MPP7: variants seen among roughly 807,000 people sequenced by gnomAD.
MPP7 encodes MAGUK p55 scaffold protein 7, also known as MAGUK p55 subfamily member 7.
In MPP7, 60 loss-of-function variants were observed where a neutral mutation model predicts 76.5. The observed-to-expected ratio is 0.78, with a 90% confidence interval of 0.64 to 0.97. The LOEUF is 0.97. Ranked by LOEUF, MPP7 falls within the 50% of genes least tolerant of loss-of-function variation. MPP7 has a pLI of 0.00. For missense variants in MPP7, 641 were observed against 694.0 expected (o/e 0.92, Z 0.86); for synonymous variants, 237 against 244.5 (o/e 0.97, Z 0.29).
rs78354949 is a variant in MPP7 at position 28,248,869 on chromosome 10, C to G, written c.-131-10134G>C. On this transcript the variant is annotated intron_variant, in intron 1 of 16. Transcript: ENST00000683449. ...AGTGGGCTCTGCCATTTGGGTTTGC[C>G]TAAGTGCACTCTAGGATGCTCCCAC... is the stretch of plus-strand genomic sequence containing the variant. 4.7e-3 allele frequency among the ~76,000 whole-genome samples: 722 copies of G among 152,230 alleles called. 7 individuals are homozygous for G. Among genetic ancestry groups the G allele is most frequent in the African/African-American group, 0.016 (656 of 41,556 alleles).
At chr10:28,143,557 G>C (rs1463209029) in intron 5 of MPP7, among the ~76,000 whole-genome samples, 1 of 151,998 alleles carries the variant, frequency 6.6e-6, no homozygotes, top group South Asian at 2.1e-4. Flanking sequence ...GTGCATGTTT[G>C]TGTCTGTATG....
At chr10:28,272,020 T>C (rs188503533) in intron 1 of MPP7, among the ~76,000 whole-genome samples, 2 of 152,098 alleles carry the variant, frequency 1.3e-5, no homozygotes, top group East Asian at 3.9e-4. Context: ...CAAGGATGCA[T>C]GTTTGAATAA....
chr10:28,054,476 C>T lies in MPP7; in HGVS notation c.1552-232G>A, dbSNP rs114939533. ...AAAACTACTCTGGCAAGAGTCAAAA[C>T]TCCTGCCTTAACTGAATTGCAGGAT... is the stretch of plus-strand genomic sequence containing the variant. On this transcript the variant is annotated intron_variant, in intron 16 of 16. Transcript: ENST00000683449. Among the ~76,000 whole-genome samples, 1,060 of 152,294 alleles carry T rather than the reference C, an allele frequency of 7.0e-3. 5 individuals carry two copies. Among genetic ancestry groups the T allele is most frequent in the African/African-American group, 0.024 (1,008 of 41,560 alleles).
intron 2 of MPP7, among the ~76,000 whole-genome samples, chr10:28,204,442 CAAAAAAAAAA>C (rs35353394): frequency 3.2e-5 from 3 of 95,024 alleles, no homozygotes; most frequent in African/African-American, 7.6e-5. Flanking sequence ...AACTCCGTCT[CAAAAAAAAAA>C]AAAAAAAAAT....
chr10:28,193,879 T>TA (rs34829059), intron 3 of MPP7, among the ~76,000 whole-genome samples: 3 of 148,894 alleles, frequency 2.0e-5, no homozygotes, highest in Non-Finnish European at 3.0e-5. Context: ...TGGCTAAAAT[T>TA]AAAAAAAAAA....
At chr10:28,110,806 C>T (rs907468489) in intron 11 of MPP7, among the ~76,000 whole-genome samples, 14 of 152,228 alleles carry the variant, frequency 9.2e-5, no homozygotes, top group Admixed American at 7.9e-4. Flanking sequence ...CATCAAAATA[C>T]GTCTGTCAAT....
At chr10:28,093,927 G>T (rs1390294566) in intron 11 of MPP7, among the ~76,000 whole-genome samples, 5 of 152,190 alleles carry the variant, frequency 3.3e-5, no homozygotes. Context: ...TTACTGAATG[G>T]AAGTAATTTT....
At position 28,150,006 on chromosome 10, in the gene MPP7, A is replaced by AG; in HGVS notation, c.209_210insC (p.Gly71TrpfsTer8). 1.9e-6 allele frequency: 3 copies of AG among 1,613,750 alleles called. No individual in the cohort carries two copies. The highest frequency in any genetic ancestry group is 2.5e-6 in the Non-Finnish European group (3 of 1,179,892). On this transcript the variant is annotated frameshift_variant, in exon 4 of 17. Coordinates refer to ENST00000683449, the MANE Select transcript of MPP7 (RefSeq NM_001318170.2). LOFTEE classifies it high-confidence loss of function. The stretch of plus-strand genomic sequence containing the variant: ...CATCATCGGCCAAGGCCGCCGCACC[A>AG]TGGAGAATGGGCACCGGACTCTGCT...
chr10:28,086,012 C>T (rs1394204187), intron 12 of MPP7, among the ~76,000 whole-genome samples: 2 of 152,072 alleles, frequency 1.3e-5, no homozygotes, highest in East Asian at 3.9e-4. Context: ...AGTTGGAAAC[C>T]ATCATTCTCA....
rs560088197 is a variant in MPP7 at position 28,246,002 on chromosome 10, G to C, written c.-131-7267C>G. On this transcript the variant is annotated intron_variant, in intron 1 of 16. Coordinates refer to ENST00000683449, the MANE Select transcript of MPP7 (RefSeq NM_001318170.2). ...GAAGAACCTAATGGGACACCATCAA[G>C]CAGATGAATATACGCACTATGGGAG... 5.9e-5 allele frequency among the ~76,000 whole-genome samples: 9 copies of C among 152,064 alleles called. No homozygotes were observed. The East Asian group carries it at 1.7e-3, about 30-fold the overall frequency.
At chr10:28,142,765 T>C (rs1205010896) in intron 5 of MPP7, among the ~76,000 whole-genome samples, 1 of 152,136 alleles carries the variant, frequency 6.6e-6, no homozygotes, top group Non-Finnish European at 1.5e-5. Flanking sequence ...GAAAAGAGCT[T>C]ATGCAATTAA....
intron 12 of MPP7, among the ~76,000 whole-genome samples, chr10:28,075,387 C>T (rs1340973814): frequency 6.6e-6 from 1 of 152,112 alleles, no homozygotes; most frequent in Non-Finnish European, 1.5e-5. Flanking sequence ...CAGTAGTTCA[C>T]CCTTCTCTCC....
intron 3 of MPP7, among the ~76,000 whole-genome samples, chr10:28,153,190 G>T (rs1210919029): frequency 6.6e-6 from 1 of 151,144 alleles, no homozygotes; most frequent in African/African-American, 2.4e-5. Context: ...GAAGGCGGAG[G>T]TTGCAGTGAG....
chr10:28,266,202 C>T (rs1431236830), intron 1 of MPP7, among the ~76,000 whole-genome samples: 1 of 152,092 alleles, frequency 6.6e-6, no homozygotes, highest in East Asian at 1.9e-4. Flanking sequence ...TCAAGTGATC[C>T]ACCCTCCTCA....
At chr10:28,306,667 A>AGAGAGAGAG (rs1841258204), upstream of MPP7, among the ~76,000 whole-genome samples, 1 of 110,498 alleles carries the variant, frequency 9.0e-6, no homozygotes, top group African/African-American at 3.3e-5. Flanking sequence ...TGATAGATAG[A>AGAGAGAGAG]TAGAGAGAGA....
chr10:28,300,342 T>C (rs563871801), intron 1 of MPP7, among the ~76,000 whole-genome samples: 1 of 152,236 alleles, frequency 6.6e-6, no homozygotes, highest in South Asian at 2.1e-4. Flanking sequence ...GCAAATACTT[T>C]ACAAACAGCC....
At chr10:28,307,838 G>A (rs974316207), upstream of MPP7, among the ~76,000 whole-genome samples, 1 of 152,100 alleles carries the variant, frequency 6.6e-6, no homozygotes, top group African/African-American at 2.4e-5. Flanking sequence ...TCAAATTCAG[G>A]TTGCAAAAAG....
At chr10:28,229,761 C>T (rs111536529) in intron 2 of MPP7, among the ~76,000 whole-genome samples, 2,410 of 151,916 alleles carry the variant, frequency 0.016, 72 homozygotes, top group African/African-American at 0.053. Flanking sequence ...TGGTGGCAGG[C>T]GCCTGTAGTC....
intron 2 of MPP7, among the ~76,000 whole-genome samples, chr10:28,235,049 A>T (rs1839026251): frequency 6.6e-6 from 1 of 152,196 alleles, no homozygotes; most frequent in African/African-American, 2.4e-5. Flanking sequence ...GACTCAAGAG[A>T]TCCACCCACC....
Sources: allele counts gnomAD v4.1 joint callset (sites outside exome capture counted in the v4.1 genomes callset), GRCh38; gene constraint gnomAD v4.1.1; transcripts MANE v1.5; gene names NCBI Gene and HGNC (gene_info 2026-07-23, HGNC 2026-07-21).